SPPL2A: variants seen among roughly 807,000 people sequenced by gnomAD.
SPPL2A encodes the protein signal peptide peptidase like 2A.
SPPL2A carries 51 observed loss-of-function variants against 63.8 expected under a neutral mutation model. The ratio of observed to expected loss-of-function variants is 0.80; its 90% CI spans 0.64 to 1.01. The LOEUF (loss-of-function observed/expected upper bound fraction) is 1.01, where lower values mean the gene tolerates loss of function less well. SPPL2A is among the 50% of genes least tolerant of loss of function. The pLI, the probability that SPPL2A is intolerant of heterozygous loss-of-function variation, is 0.00. For synonymous variants in SPPL2A, 188 were observed against 205.8 expected (o/e 0.91, Z 0.74); for missense variants, 553 against 622.7 (o/e 0.89, Z 1.19).
intron 14 of SPPL2A, among the ~76,000 whole-genome samples, chr15:50,714,326 A>T (rs918755398): frequency 1.9e-4 from 29 of 152,302 alleles, no homozygotes; most frequent in African/African-American, 6.5e-4. Flanking sequence ...AGCTGCTGTG[A>T]AGCAGAGGCA....
intron 13 of SPPL2A, among the ~76,000 whole-genome samples, chr15:50,721,011 A>G (rs2062642083): frequency 6.6e-6 from 1 of 152,086 alleles, no homozygotes; most frequent in Admixed American, 6.6e-5. Context: ...AATATGTTAA[A>G]GCCCTGGAGA....
At chr15:50,750,713 A>C (rs1018084839) in intron 1 of SPPL2A, among the ~76,000 whole-genome samples, 1 of 152,216 alleles carries the variant, frequency 6.6e-6, no homozygotes, top group African/African-American at 2.4e-5. Flanking sequence ...AGAGTATAAA[A>C]TGAAGAAATA....
At chr15:50,710,879 GAA>G (rs2062550802) in intron 14 of SPPL2A, among the ~76,000 whole-genome samples, 1 of 152,106 alleles carries the variant, frequency 6.6e-6, no homozygotes, top group African/African-American at 2.4e-5. Context: ...CCTGCCCAGA[GAA>G]AAATAGCCCA....
chr15:50,724,200 T>C (rs2062668532), intron 12 of SPPL2A, among the ~76,000 whole-genome samples: 1 of 152,156 alleles, frequency 6.6e-6, no homozygotes, highest in Admixed American at 6.6e-5. Flanking sequence ...CTGGTTTTAC[T>C]ATGTAAATAG....
chr15:50,748,702 T>G lies in SPPL2A; in HGVS notation c.346A>C (p.Asn116His). Residue 116 changes from asparagine (N) to histidine (H), a missense_variant, in exon 3 of 15, where the codon AAT becomes CAT. Physicochemically the swap from Asn to His is moderately conservative, Grantham distance 68. Coordinates refer to ENST00000261854, the MANE Select transcript of SPPL2A (RefSeq NM_032802.4). ...KGGAEAMLVVNNSVLFPPSGN... is the reference protein window; with the variant it reads ...KGGAEAMLVVHNSVLFPPSGN... ...TTATAACTTACTAGGACACTGTTAT[T>G]GACAACTAACATTGCTTCAGCACCT... The G allele has an allele frequency of 6.3e-7, 1 of 1,598,250 alleles. No homozygotes were observed. Among genetic ancestry groups the G allele is most frequent in the Non-Finnish European group, 8.5e-7 (1 of 1,174,548 alleles).
At chr15:50,734,928 C>T (rs12911938) in intron 8 of SPPL2A, among the ~76,000 whole-genome samples, 38,106 of 151,554 alleles carry the variant, frequency 0.25, 5,735 homozygotes, top group East Asian at 0.55. Context: ...TTTTTTGAGA[C>T]GGAGTTGCAC....
At chr15:50,756,491 C>A (rs930276160) in intron 1 of SPPL2A, among the ~76,000 whole-genome samples, 29 of 152,044 alleles carry the variant, frequency 1.9e-4, no homozygotes, top group Non-Finnish European at 4.1e-4. Context: ...GAGACATGCT[C>A]CAGAATGTCT....
chr15:50,730,758 A>C (rs909301889), intron 10 of SPPL2A, among the ~76,000 whole-genome samples: 1 of 152,248 alleles, frequency 6.6e-6, no homozygotes, highest in African/African-American at 2.4e-5. Flanking sequence ...AGATATTCTC[A>C]TATTTATATC....
In SPPL2A at chr15:50,703,356, A is replaced by ATATATATATATATATATTTTTT. The variant is rs1196710672; in HGVS notation, c.*4443_*4444insAAAAAATATATATATATATATA. On this transcript the variant is annotated 3_prime_UTR_variant, in exon 15 of 15. Coordinates refer to ENST00000261854, the MANE Select transcript of SPPL2A (RefSeq NM_032802.4). ...TATATATATATATATACATATATAT[A>ATATATATATATATATATTTTTT]TTTTTTTTTTTTTTTTTTTTTTTTG... is the stretch of plus-strand genomic sequence containing the variant. The ATATATATATATATATATTTTTT allele has an allele frequency of 1.6e-5, 1 of 62,042 alleles. No individual in the cohort carries two copies. The highest frequency in any genetic ancestry group is 7.0e-5 in the African/African-American group (1 of 14,240). The allele number at this position is 62,042 out of a possible 1,614,324, so 3.8% of individuals were successfully genotyped here. A position where few individuals can be genotyped will look rare whatever the true frequency, so the allele number is the denominator to read the frequency against.
rs1424285367 is a variant in SPPL2A at position 50,702,787 on chromosome 15, AT to A, written c.*5012del. ...CTATAAAAATTTAGTTTTAAAAATA[AT>A]TTTTCTCCCAATGAACATTTTTATA... is the stretch of plus-strand genomic sequence containing the variant. On this transcript the variant is annotated 3_prime_UTR_variant, in exon 15 of 15. Coordinates refer to ENST00000261854, the MANE Select transcript of SPPL2A (RefSeq NM_032802.4). 4 of 152,092 alleles carry A rather than the reference AT, an allele frequency of 2.6e-5. No individual in the cohort carries two copies. Among genetic ancestry groups the A allele is most frequent in the Non-Finnish European group, 5.9e-5 (4 of 68,012 alleles). The allele number at this position is 152,092 out of a possible 1,614,324, so 9.4% of individuals were successfully genotyped here.
In SPPL2A at chr15:50,748,850, A is replaced by G; in HGVS notation, c.198T>C (p.Asn66=). ...GGTTGCATAGTGGTGTGGAAGTCAG[A>G]TTCATCAAACTAATGGAAGTCTGAA... ...LENATSISLM[N]LTSTPLCNLS... The change falls in exon 3 of 15, where the codon AAT becomes AAC. Residue 66 remains asparagine (N), a synonymous_variant. Transcript: ENST00000261854. The G allele has an allele frequency of 1.9e-6, 3 of 1,585,090 alleles. No individual in the cohort carries two copies. Among genetic ancestry groups the G allele is most frequent in the Non-Finnish European group, 2.6e-6 (3 of 1,169,336 alleles).
chr15:50,736,648 A>G lies in SPPL2A; in HGVS notation c.826T>C (p.Cys276Arg). 1 of 1,538,152 alleles carries G rather than the reference A, an allele frequency of 6.5e-7. No individual in the cohort carries two copies. The highest frequency in any genetic ancestry group is 1.1e-5 in the South Asian group (1 of 87,902). ...TTTCCTGTAAGAGATACGTACGTGCATTGTCCATATGGTATCTTATGAATT... is the reference window on the plus strand; with the variant it reads ...TTTCCTGTAAGAGATACGTACGTGCGTTGTCCATATGGTATCTTATGAATT... ...ALIHKIPYGQ[C>R]TIACRGKNME... Residue 276 changes from cysteine (C) to arginine (R), a missense_variant, in exon 7 of 15, where the codon TGC becomes CGC. Cys to Arg is a radical substitution (Grantham distance 180, BLOSUM62 -3). Transcript: ENST00000261854.
chr15:50,727,391 G>A (rs1418733096), intron 10 of SPPL2A, among the ~76,000 whole-genome samples: 1 of 152,152 alleles, frequency 6.6e-6, no homozygotes, highest in Non-Finnish European at 1.5e-5. Flanking sequence ...TTACAGAGGG[G>A]TTAAGTCAAA....
In SPPL2A at chr15:50,765,678, G is replaced by GCTACAGCGGCCGCCA; in HGVS notation, c.-160_-146dup. 1 of 435,954 alleles carries GCTACAGCGGCCGCCA rather than the reference G, an allele frequency of 2.3e-6. No individual in the cohort carries two copies. The highest frequency in any genetic ancestry group is 3.9e-6 in the Non-Finnish European group (1 of 258,352). 27.0% of individuals were successfully genotyped at this position (435,954 alleles called of 1,614,324 possible). A position where few individuals can be genotyped will look rare whatever the true frequency, so the allele number is the denominator to read the frequency against. On this transcript the variant is annotated 5_prime_UTR_variant, in exon 1 of 15. Coordinates refer to ENST00000261854, the MANE Select transcript of SPPL2A (RefSeq NM_032802.4). ...GCCGGGCTACGACTGGACCGCCGCTGCTACAGCGGCCGCCACAGCAGCGCG... is the reference window on the plus strand; with the variant it reads ...GCCGGGCTACGACTGGACCGCCGCTGCTACAGCGGCCGCCACTACAGCGGCCGCCACAGCAGCGCG...
chr15:50,719,562 T>C (rs1429027488), intron 14 of SPPL2A, among the ~76,000 whole-genome samples: 1 of 152,188 alleles, frequency 6.6e-6, no homozygotes, highest in Non-Finnish European at 1.5e-5. Context: ...ACTTTTTATC[T>C]GCAAAACCTT....
chr15:50,720,189 C>T, intron 13 of SPPL2A, 89 bp from the exon 14 acceptor site: 3 of 1,007,036 alleles, frequency 3.0e-6, no homozygotes, highest in Non-Finnish European at 4.4e-6. Flanking sequence ...GGTTTTCAAA[C>T]ATTTCTGAGG....
At chr15:50,763,625 A>C (rs12905525) in intron 1 of SPPL2A, among the ~76,000 whole-genome samples, 1 of 151,988 alleles carries the variant, frequency 6.6e-6, no homozygotes, top group African/African-American at 2.4e-5. Context: ...ATCGCCGGGC[A>C]TGGTGGCTCA....
At chr15:50,764,976 G>C (rs1203308576) in intron 1 of SPPL2A, among the ~76,000 whole-genome samples, 1 of 151,954 alleles carries the variant, frequency 6.6e-6, no homozygotes, top group Non-Finnish European at 1.5e-5. Context: ...AGCTACAGTG[G>C]GGGAAGGGAA....
chr15:50,762,872 A>G (rs985596631), intron 1 of SPPL2A, among the ~76,000 whole-genome samples: 4 of 151,466 alleles, frequency 2.6e-5, no homozygotes, highest in Non-Finnish European at 1.5e-5. Flanking sequence ...AGCTGGGATA[A>G]CAGGCACGCA....
Sources: allele counts gnomAD v4.1 joint callset (sites outside exome capture counted in the v4.1 genomes callset), GRCh38; gene constraint gnomAD v4.1.1; transcripts MANE v1.5; gene names NCBI Gene and HGNC (gene_info 2026-07-23, HGNC 2026-07-21).